MPG: variants seen among roughly 807,000 people sequenced by gnomAD.
MPG encodes the protein DNA-3-methyladenine glycosylase.
In MPG, 33 loss-of-function variants were observed where a neutral mutation model predicts 31.7. That is an observed-to-expected ratio of 1.04 (90% CI 0.79 to 1.39). The LOEUF (loss-of-function observed/expected upper bound fraction) is 1.39. MPG is among the 40% of genes most tolerant of loss of function. The pLI is 0.00. For missense variants in MPG, 455 were observed against 415.5 expected, an observed-to-expected ratio of 1.10 and a Z score of -0.83; for synonymous variants, 202 against 169.2, an observed-to-expected ratio of 1.19 and a Z score of -1.51.
In MPG at chr16:85,591, A is replaced by G. The variant is rs763965647; in HGVS notation, c.696A>G (p.Ala232=). The G allele has an allele frequency of 1.9e-6, 3 of 1,612,832 alleles. No homozygotes were observed. The African/African-American group carries it at 4.0e-5, about 22-fold the overall frequency. ...INKSFDQRDL[A]QDEAVWLERG... ...AGAGCTTTGACCAGAGGGACCTGGC[A>G]CAGGATGAAGCTGTATGGCTGGAGC... Residue 232 remains alanine, a synonymous_variant, in exon 4 of 4, where the codon GCA becomes GCG. Coordinates refer to ENST00000356432, the MANE Select transcript of MPG (RefSeq NM_001015052.3).
In MPG at chr16:85,821, C is replaced by A. The variant is rs891188275; in HGVS notation, c.*44C>A. Reference sequence around the variant, plus strand: ...CAAGATTTTTTAATTGTTTAAAAACCGAATAAATGTTTTATTTCTAGAAAA... The same window carrying A: ...CAAGATTTTTTAATTGTTTAAAAACAGAATAAATGTTTTATTTCTAGAAAA... On this transcript the variant is annotated 3_prime_UTR_variant, in exon 4 of 4. Coordinates refer to ENST00000356432, the MANE Select transcript of MPG (RefSeq NM_001015052.3). The A allele has an allele frequency of 2.8e-6, 4 of 1,441,764 alleles. No individual in the cohort carries two copies. In the African/African-American group the frequency reaches 5.7e-5, roughly 21 times the overall value. The allele number at this position is 1,441,764 out of a possible 1,614,324, so 89.3% of individuals were successfully genotyped here.
intron 2 of MPG, among the ~76,000 whole-genome samples, chr16:81,706 A>AC (rs1290324350): frequency 1.8e-5 from 2 of 113,202 alleles, no homozygotes; most frequent in African/African-American, 9.9e-5. Flanking sequence ...TCTTCCCACC[A>AC]CCCTATCTCC....
intron 2 of MPG, among the ~76,000 whole-genome samples, chr16:82,477 C>A (rs1348856865): frequency 6.6e-6 from 1 of 152,226 alleles, no homozygotes; most frequent in African/African-American, 2.4e-5. Flanking sequence ...TTACCAGGAC[C>A]ATGGTCCAGG....
At chr16:78,180 T>C (rs2562162), upstream of MPG, 698,801 of 798,160 alleles carry the variant, frequency 0.88, 306,554 homozygotes, top group African/African-American at 0.94. Flanking sequence ...ACTGCCCCCC[T>C]TCTCCCGGCT....
At chr16:80,979 T>G (rs1898222414) in intron 2 of MPG, among the ~76,000 whole-genome samples, 1 of 152,206 alleles carries the variant, frequency 6.6e-6, no homozygotes, top group Non-Finnish European at 1.5e-5. Flanking sequence ...AGCCCATTGG[T>G]GGACAAGATG....
Position 85,644 on chromosome 16 carries a change from C to A in MPG, c.749C>A (p.Ala250Asp). 1 of 1,591,684 alleles carries A rather than the reference C, an allele frequency of 6.3e-7. No individual in the cohort carries two copies. The change falls in exon 4 of 4, where the codon GCT (alanine) becomes GAT (aspartate). Residue 250 changes from alanine (A) to aspartate (D), a missense_variant. Physicochemically the swap from Ala to Asp is moderately radical, Grantham distance 126. Coordinates refer to ENST00000356432, the MANE Select transcript of MPG (RefSeq NM_001015052.3). ...ERGPLEPSEPAVVAAARVGVG... is the reference protein window; with the variant it reads ...ERGPLEPSEPDVVAAARVGVG... Reference sequence around the variant, plus strand: ...GGTCCCCTGGAGCCCAGTGAGCCGGCTGTAGTGGCAGCAGCCCGGGTGGGC... The same window carrying A: ...GGTCCCCTGGAGCCCAGTGAGCCGGATGTAGTGGCAGCAGCCCGGGTGGGC...
At chr16:83,415 G>T in intron 3 of MPG, 159 bp downstream of exon 3, 1 of 741,340 alleles carries the variant, frequency 1.3e-6, no homozygotes, top group Non-Finnish European at 2.2e-6. Flanking sequence ...CTACGCTGAC[G>T]GGGCAGGGCT....
At chr16:83,002 G>A (rs200779272) in intron 2 of MPG, 50 bp from the exon 3 acceptor site, 2 of 1,491,722 alleles carry the variant, frequency 1.3e-6, no homozygotes, top group South Asian at 1.3e-5. Flanking sequence ...CTGTTAGGGT[G>A]AGTGGACCCC....
At chr16:82,698 G>A (rs1484481536) in intron 2 of MPG, among the ~76,000 whole-genome samples, 1 of 152,210 alleles carries the variant, frequency 6.6e-6, no homozygotes, top group East Asian at 1.9e-4. Flanking sequence ...GTTTTCTCAA[G>A]GGCACTTGGG....
upstream of MPG, chr16:78,009 G>A (rs1328777070): frequency 3.8e-6 from 1 of 261,798 alleles, no homozygotes; most frequent in Non-Finnish European, 7.2e-6. Flanking sequence ...GGGGCACAGT[G>A]CGGGGCTCGC....
intron 1 of MPG, among the ~76,000 whole-genome samples, chr16:78,914 A>C (rs1044711127): frequency 6.6e-6 from 1 of 152,206 alleles, no homozygotes; most frequent in Non-Finnish European, 1.5e-5. Context: ...AGCAGAGGAC[A>C]GTTAGGGACC....
In MPG at chr16:85,414, C is replaced by T. The variant is rs749613799; in HGVS notation, c.519C>T (p.Cys173=). Residue 173 remains cysteine, a synonymous_variant, in exon 4 of 4, where the codon TGC becomes TGT. Transcript: ENST00000356432. ...MNISSQGDGA[C]VLLRALEPLE... ...TCCGTCCCACAGGGGACGGGGCTTG[C>T]GTCTTGCTGCGAGCACTGGAGCCCC... 13 of 1,606,394 alleles carry T rather than the reference C, an allele frequency of 8.1e-6. No homozygotes were observed. The highest frequency in any genetic ancestry group is 6.7e-5 in the African/African-American group (5 of 74,814).
intron 1 of MPG, 67 bp from the exon 2 acceptor site, chr16:79,358 C>T: frequency 6.2e-7 from 1 of 1,613,942 alleles, no homozygotes; most frequent in Non-Finnish European, 8.5e-7. Flanking sequence ...CTTGCACTTC[C>T]TGAGCCTGAC....
chr16:83,839 A>G (rs565467849), intron 3 of MPG, among the ~76,000 whole-genome samples: 8 of 152,104 alleles, frequency 5.3e-5, no homozygotes, highest in Non-Finnish European at 1.2e-4. Context: ...CGGAGGCAGC[A>G]CATGAGGATG....
rs541690579 is a variant in MPG at position 85,546 on chromosome 16, C to T, written c.651C>T (p.Cys217=). The change falls in exon 4 of 4, where the codon TGC becomes TGT. Residue 217 remains cysteine, a synonymous_variant. Transcript: ENST00000356432. ...RELCSGPSKL[C]QALAINKSFD... ...TCTGCAGTGGCCCCTCCAAGCTGTG[C>T]CAGGCCCTGGCCATCAACAAGAGCT... 2 of 1,613,396 alleles carry T rather than the reference C, an allele frequency of 1.2e-6. No individual in the cohort carries two copies. Among genetic ancestry groups the T allele is most frequent in the South Asian group, 2.2e-5 (2 of 91,084 alleles).
chr16:79,722 G>A, intron 2 of MPG, 22 bp downstream of exon 2: 4 of 1,538,296 alleles, frequency 2.6e-6, no homozygotes, highest in Non-Finnish European at 3.5e-6. Context: ...ATAGCAGCGA[G>A]GGCCCTCCTG....
chr16:83,459 G>A (rs1837666432), intron 3 of MPG: 1 of 569,118 alleles, frequency 1.8e-6, no homozygotes, highest in South Asian at 2.2e-5. Flanking sequence ...GGCCGGGTGG[G>A]GCCGGGCGCG....
chr16:78,572 C>A (rs1898155098), intron 1 of MPG, among the ~76,000 whole-genome samples: 1 of 152,216 alleles, frequency 6.6e-6, no homozygotes, highest in African/African-American at 2.4e-5. Context: ...GAGACGGTCA[C>A]GTCAGCGTCC....
intron 1 of MPG, among the ~76,000 whole-genome samples, chr16:78,965 T>C (rs1479418835): frequency 6.6e-6 from 1 of 151,436 alleles, no homozygotes; most frequent in African/African-American, 2.5e-5. Context: ...CCCCTCCCTG[T>C]GTGTCCGACC....
Sources: allele counts gnomAD v4.1 joint callset (sites outside exome capture counted in the v4.1 genomes callset), GRCh38; gene constraint gnomAD v4.1.1; transcripts MANE v1.5; gene names NCBI Gene and HGNC (gene_info 2026-07-23, HGNC 2026-07-21).